CADM2: variants seen among roughly 807,000 people sequenced by gnomAD.
The protein encoded by CADM2 is cell adhesion molecule 2.
A neutral mutation model predicts 49.8 loss-of-function variants in CADM2; 12 were observed. The observed-to-expected ratio is 0.24, with a 90% CI of 0.15 to 0.39. CADM2 has a LOEUF of 0.39. CADM2 is among the 10% of genes least tolerant of loss of function. The pLI, the probability that CADM2 is intolerant of heterozygous loss-of-function variation, is 1.00. For synonymous variants in CADM2, 214 were observed against 175.4 expected, an observed-to-expected ratio of 1.22 and a Z score of -1.74; for missense variants, 378 against 492.3, an observed-to-expected ratio of 0.77 and a Z score of 2.20.
At chr3:85,865,730 T>C (rs1457247550) in intron 3 of CADM2, among the ~76,000 whole-genome samples, 1 of 152,220 alleles carries the variant, frequency 6.6e-6, no homozygotes. Flanking sequence ...TCACAGCTGG[T>C]AGTTAAGCTG....
intron 1 of CADM2, among the ~76,000 whole-genome samples, chr3:85,138,497 A>T (rs2039484374): frequency 6.6e-6 from 1 of 152,196 alleles, no homozygotes; most frequent in Non-Finnish European, 1.5e-5. Context: ...GATATAAAGT[A>T]AAATACAATT....
intron 2 of CADM2, among the ~76,000 whole-genome samples, chr3:85,767,457 T>A (rs2107927634): frequency 6.6e-6 from 1 of 152,352 alleles, no homozygotes; most frequent in Admixed American, 6.5e-5. Context: ...GGCTATTTTA[T>A]TGATAAGAAG....
At chr3:85,136,335 ATG>A (rs5850671) in intron 1 of CADM2, among the ~76,000 whole-genome samples, 56,525 of 148,798 alleles carry the variant, frequency 0.38, 11,021 homozygotes, top group Non-Finnish European at 0.45. Flanking sequence ...GTACTGAGTA[ATG>A]TGTGTGTGTG....
At chr3:85,557,569 G>T (rs1319184330) in intron 1 of CADM2, among the ~76,000 whole-genome samples, 1 of 151,670 alleles carries the variant, frequency 6.6e-6, no homozygotes, top group Non-Finnish European at 1.5e-5. Flanking sequence ...AATAGAAAAT[G>T]CATCCCATGT....
At chr3:85,069,491 C>T (rs1350460796) in intron 1 of CADM2, among the ~76,000 whole-genome samples, 1 of 152,064 alleles carries the variant, frequency 6.6e-6, no homozygotes, top group Non-Finnish European at 1.5e-5. Flanking sequence ...TCAAGACATC[C>T]TTTAAGCATA....
chr3:85,373,116 A>T (rs2033369707), intron 1 of CADM2, among the ~76,000 whole-genome samples: 1 of 152,146 alleles, frequency 6.6e-6, no homozygotes, highest in Admixed American at 6.5e-5. Flanking sequence ...GCATTAACTC[A>T]AAAGTCCACA....
At chr3:85,557,989 A>G (rs891661642) in intron 1 of CADM2, among the ~76,000 whole-genome samples, 3 of 152,094 alleles carry the variant, frequency 2.0e-5, no homozygotes, top group African/African-American at 7.2e-5. Flanking sequence ...ACACTAGGAA[A>G]AAAGAGCAAA....
intron 1 of CADM2, among the ~76,000 whole-genome samples, chr3:85,358,184 C>T (rs1203754574): frequency 6.6e-6 from 1 of 151,986 alleles, no homozygotes; most frequent in East Asian, 1.9e-4. Context: ...CACCTAGATG[C>T]CAGTAGCATC....
At chr3:85,851,308 C>T (rs1038210423) in intron 3 of CADM2, among the ~76,000 whole-genome samples, 2 of 151,974 alleles carry the variant, frequency 1.3e-5, no homozygotes, top group Non-Finnish European at 2.9e-5. Flanking sequence ...ATCTTTCCAG[C>T]TGTGAATTCT....
intron 3 of CADM2, among the ~76,000 whole-genome samples, chr3:85,874,280 T>C (rs946912390): frequency 8.5e-5 from 13 of 152,158 alleles, no homozygotes; most frequent in Non-Finnish European, 1.8e-4. Context: ...CTGGAGTCAT[T>C]TTCCCTTCCT....
At chr3:84,969,830 G>A (rs1398380783) in intron 1 of CADM2, among the ~76,000 whole-genome samples, 2 of 151,704 alleles carry the variant, frequency 1.3e-5, no homozygotes, top group Non-Finnish European at 3.0e-5. Context: ...GAATCTTCCC[G>A]ATATCTTTGG....
chr3:85,289,176 AGCTAGCAGAGCTAG>A (rs1345552125), intron 1 of CADM2, among the ~76,000 whole-genome samples: 1 of 152,228 alleles, frequency 6.6e-6, no homozygotes, highest in African/African-American at 2.4e-5. Context: ...CCATCTACTT[AGCTAGCAGAGCTAG>A]GAAGACATCA....
chr3:85,704,607 T>G (rs2107718358), intron 1 of CADM2, among the ~76,000 whole-genome samples: 1 of 152,216 alleles, frequency 6.6e-6, no homozygotes, highest in South Asian at 2.1e-4. Context: ...CCTCATAACC[T>G]AATGACCTTC....
At chr3:85,855,953 T>C (rs2075303456) in intron 3 of CADM2, among the ~76,000 whole-genome samples, 1 of 152,168 alleles carries the variant, frequency 6.6e-6, no homozygotes, top group African/African-American at 2.4e-5. Context: ...TAACTAATTA[T>C]ACGCTTTTTG....
intron 1 of CADM2, among the ~76,000 whole-genome samples, chr3:85,184,061 A>T (rs1466871277): frequency 6.6e-6 from 1 of 152,192 alleles, no homozygotes; most frequent in East Asian, 1.9e-4. Flanking sequence ...CAGGTGATCA[A>T]GGAGTTAAGA....
chr3:85,435,793 T>C (rs1414078003), intron 1 of CADM2, among the ~76,000 whole-genome samples: 1 of 152,154 alleles, frequency 6.6e-6, no homozygotes, highest in Non-Finnish European at 1.5e-5. Flanking sequence ...TTCCATATGT[T>C]TTTTGGCCGC....
chr3:86,065,802 A>G (rs1739238925), intron 9 of CADM2, 72 bp downstream of exon 9: 2 of 1,465,432 alleles, frequency 1.4e-6, no homozygotes, highest in African/African-American at 2.8e-5. Context: ...AAAATATGAT[A>G]TCAGTGCATA....
chr3:85,736,189 G>A (rs567578973), intron 2 of CADM2, among the ~76,000 whole-genome samples: 3 of 152,264 alleles, frequency 2.0e-5, no homozygotes, highest in African/African-American at 7.2e-5. Context: ...AAAGGAAGTG[G>A]TGTTCAACTG....
intron 1 of CADM2, among the ~76,000 whole-genome samples, chr3:85,605,005 C>T (rs934388404): frequency 6.6e-6 from 1 of 152,002 alleles, no homozygotes; most frequent in Non-Finnish European, 1.5e-5. Flanking sequence ...ACAAATACTA[C>T]ATCATCAGTT....
Sources: allele counts gnomAD v4.1 joint callset (sites outside exome capture counted in the v4.1 genomes callset), GRCh38; gene constraint gnomAD v4.1.1; transcripts MANE v1.5; gene names NCBI Gene and HGNC (gene_info 2026-07-23, HGNC 2026-07-21).